Variants in ROBO1 observed in about 807,000 individuals in gnomAD.
ROBO1 encodes roundabout homolog 1.
Under a neutral mutation model 195.9 loss-of-function variants are expected in ROBO1, and 149 were observed. That is an observed-to-expected ratio of 0.76 (90% confidence interval 0.67 to 0.87). The LOEUF (loss-of-function observed/expected upper bound fraction) is 0.87. ROBO1 is among the 40% of genes least tolerant of loss of function. The probability of loss-of-function intolerance (pLI) is 0.00; values close to 1 mark genes in which losing one functional copy is unlikely to be tolerated. For synonymous variants in ROBO1, 816 were observed against 733.2 expected, an observed-to-expected ratio of 1.11 and a Z score of -1.82; for missense variants, 1,933 against 2,068.3, an observed-to-expected ratio of 0.93 and a Z score of 1.27.
chr3:79,488,433 G>A (rs1244005704), intron 2 of ROBO1, among the ~76,000 whole-genome samples: 11 of 152,100 alleles, frequency 7.2e-5, no homozygotes, highest in Non-Finnish European at 1.5e-5. Context: ...AAAAGAAAAT[G>A]TGCATATGAA....
At chr3:78,835,856 T>G (rs1038778451) in intron 4 of ROBO1, among the ~76,000 whole-genome samples, 3 of 152,178 alleles carry the variant, frequency 2.0e-5, no homozygotes, top group African/African-American at 7.2e-5. Flanking sequence ...AATGGTACTG[T>G]TAGGGCTGAC....
intron 5 of ROBO1, among the ~76,000 whole-genome samples, chr3:78,721,033 C>T (rs2082032775): frequency 6.6e-6 from 1 of 151,472 alleles, no homozygotes; most frequent in Non-Finnish European, 1.5e-5. Flanking sequence ...ACCAACATGG[C>T]ACATGTATAC....
chr3:78,752,191 C>A (rs76067961), intron 4 of ROBO1, among the ~76,000 whole-genome samples: 5,408 of 148,846 alleles, frequency 0.036, 313 homozygotes, highest in African/African-American at 0.13. Flanking sequence ...GAAAATATTA[C>A]TTACTTTTAT....
chr3:78,947,727 T>C (rs1469553851), intron 3 of ROBO1, among the ~76,000 whole-genome samples: 2 of 151,974 alleles, frequency 1.3e-5, no homozygotes, highest in Admixed American at 6.5e-5. Context: ...AATTAATGAA[T>C]CCAGGAGCTG....
intron 2 of ROBO1, among the ~76,000 whole-genome samples, chr3:79,463,899 A>G (rs1250781755): frequency 1.3e-5 from 2 of 152,194 alleles, no homozygotes; most frequent in African/African-American, 4.8e-5. Flanking sequence ...ACATGCTAAA[A>G]TGAAACTCAA....
At chr3:78,735,007 G>T (rs940085617) in intron 5 of ROBO1, among the ~76,000 whole-genome samples, 3 of 152,214 alleles carry the variant, frequency 2.0e-5, no homozygotes, top group Non-Finnish European at 4.4e-5. Flanking sequence ...ACATTATAAA[G>T]CCCATAAAGG....
chr3:79,242,732 TAA>T (rs546961665), intron 2 of ROBO1, among the ~76,000 whole-genome samples: 1 of 152,138 alleles, frequency 6.6e-6, no homozygotes, highest in African/African-American at 2.4e-5. Context: ...ATATTTCCTA[TAA>T]AAAAAGTCTG....
chr3:79,718,973 GA>G (rs1702594984), intron 1 of ROBO1, among the ~76,000 whole-genome samples: 1 of 152,032 alleles, frequency 6.6e-6, no homozygotes, highest in African/African-American at 2.4e-5. Flanking sequence ...GGTATCTGTA[GA>G]GAAAGAGTAT....
chr3:79,568,266 C>A (rs1943154206), intron 2 of ROBO1, among the ~76,000 whole-genome samples: 1 of 152,066 alleles, frequency 6.6e-6, no homozygotes, highest in Admixed American at 6.6e-5. Flanking sequence ...GCTTGTCAAT[C>A]AGCAAAGTTG....
intron 1 of ROBO1, among the ~76,000 whole-genome samples, chr3:79,623,563 A>C (rs151197694): frequency 5.9e-5 from 9 of 152,350 alleles, no homozygotes; most frequent in Admixed American, 3.3e-4. Flanking sequence ...AAGAATCAAC[A>C]GTTGAATCTA....
intron 3 of ROBO1, among the ~76,000 whole-genome samples, chr3:79,045,205 T>C (rs1301693105): frequency 1.3e-5 from 2 of 152,008 alleles, no homozygotes; most frequent in African/African-American, 4.8e-5. Context: ...AGAATTACTA[T>C]AAAGCAATCC....
chr3:79,386,202 A>C (rs1273947050), intron 2 of ROBO1, among the ~76,000 whole-genome samples: 1 of 152,172 alleles, frequency 6.6e-6, no homozygotes, highest in East Asian at 1.9e-4. Flanking sequence ...TAAAAAAACA[A>C]AAAATGGAAA....
intron 2 of ROBO1, among the ~76,000 whole-genome samples, chr3:79,484,681 G>C (rs898410144): frequency 1.3e-5 from 2 of 150,144 alleles, no homozygotes; most frequent in Admixed American, 1.3e-4. Context: ...ATATACTTGA[G>C]GGCCAATGGA....
intron 4 of ROBO1, among the ~76,000 whole-genome samples, chr3:78,771,048 C>G (rs2083361480): frequency 6.6e-6 from 1 of 151,412 alleles, no homozygotes; most frequent in Non-Finnish European, 1.5e-5. Flanking sequence ...GCCTGGGTGA[C>G]AGAATAAGAC....
intron 2 of ROBO1, among the ~76,000 whole-genome samples, chr3:79,182,962 T>C (rs2081370886): frequency 6.6e-6 from 1 of 151,138 alleles, no homozygotes; most frequent in Non-Finnish European, 1.5e-5. Flanking sequence ...GTGCCTGTAG[T>C]CCCAGCTACT....
At chr3:79,496,632 C>T (rs371626080) in intron 2 of ROBO1, among the ~76,000 whole-genome samples, 1 of 150,786 alleles carries the variant, frequency 6.6e-6, no homozygotes, top group East Asian at 2.0e-4. Flanking sequence ...CATGATCCAC[C>T]CGCCTCGGCC....
chr3:78,861,473 G>A (rs186219884), intron 4 of ROBO1, among the ~76,000 whole-genome samples: 75 of 152,062 alleles, frequency 4.9e-4, no homozygotes, highest in Non-Finnish European at 7.6e-4. Flanking sequence ...TTATTTCCTG[G>A]GGTTTAAAAG....
chr3:79,446,443 C>T (rs1216058411), intron 2 of ROBO1, among the ~76,000 whole-genome samples: 1 of 152,114 alleles, frequency 6.6e-6, no homozygotes, highest in East Asian at 1.9e-4. Context: ...TCACCATATG[C>T]ATTATAGCTA....
At chr3:79,365,282 CTG>C (rs2035927071) in intron 2 of ROBO1, among the ~76,000 whole-genome samples, 1 of 152,194 alleles carries the variant, frequency 6.6e-6, no homozygotes, top group South Asian at 2.1e-4. Context: ...AAAGCCACAA[CTG>C]TGTATCAGTT....
Sources: allele counts gnomAD v4.1 joint callset (sites outside exome capture counted in the v4.1 genomes callset), GRCh38; gene constraint gnomAD v4.1.1; transcripts MANE v1.5; gene names NCBI Gene and HGNC (gene_info 2026-07-23, HGNC 2026-07-21).